ENPP1: variants seen among roughly 807,000 people sequenced by gnomAD.
The protein encoded by ENPP1 is ectonucleotide pyrophosphatase/phosphodiesterase 1.
A neutral mutation model predicts 122.8 loss-of-function variants in ENPP1; 73 were observed. That is an observed-to-expected ratio of 0.59 (90% CI 0.49 to 0.72). The LOEUF (loss-of-function observed/expected upper bound fraction) is 0.72. Among genes scored for constraint, ENPP1 ranks in the 30% least tolerant of loss-of-function variants. The pLI, the probability that ENPP1 is intolerant of heterozygous loss-of-function variation, is 0.00. For missense variants in ENPP1, 978 were observed against 1,128.1 expected (o/e 0.87, Z 1.91); for synonymous variants, 367 against 391.6 (o/e 0.94, Z 0.74).
At chr6:131,828,290 C>T in intron 1 of ENPP1, 1 of 531,880 alleles carries the variant, frequency 1.9e-6, no homozygotes, top group Non-Finnish European at 3.7e-6. Context: ...CTGGAGAGCT[C>T]CAGCCAGCAT....
At chr6:131,885,312 C>T (rs182371315) in intron 23 of ENPP1, among the ~76,000 whole-genome samples, 1 of 152,282 alleles carries the variant, frequency 6.6e-6, no homozygotes, top group South Asian at 2.1e-4. Flanking sequence ...ATAATTTTTG[C>T]ACTCAGTTTA....
intron 1 of ENPP1, chr6:131,827,807 G>T: frequency 1.9e-6 from 2 of 1,047,730 alleles, no homozygotes; most frequent in Non-Finnish European, 3.0e-6. Flanking sequence ...GGCAATGACT[G>T]CTTTCTGGAA....
rs575108860 is a variant in ENPP1 at position 131,861,025 on chromosome 6, A to G, written c.915+519A>G. Among the ~76,000 whole-genome samples the G allele has an allele frequency of 4.6e-5, 7 of 152,360 alleles. No homozygotes were observed. The South Asian group carries it at 1.2e-3, about 27-fold the overall frequency. ...TTATATAAGGTCTATTTAAATAATC[A>G]TGATATTCCTCTTAGAAGGACAAAG... is the stretch of plus-strand genomic sequence containing the variant. On this transcript the variant is annotated intron_variant, in intron 8 of 24. Transcript: ENST00000647893.
chr6:131,858,694 A>C lies in ENPP1; in HGVS notation c.742A>C (p.Met248Leu). 1 of 1,611,012 alleles carries C rather than the reference A, an allele frequency of 6.2e-7. No homozygotes were observed. Among genetic ancestry groups the C allele is most frequent in the Middle Eastern group, 1.7e-4 (1 of 6,058 alleles). ...AAAATGTGGAACATATACTAAAAACATGAGACCGGTATATCCAACAAAAAC... is the reference window on the plus strand; with the variant it reads ...AAAATGTGGAACATATACTAAAAACCTGAGACCGGTATATCCAACAAAAAC... ...LKKCGTYTKNMRPVYPTKTFP... is the reference protein window; with the variant it reads ...LKKCGTYTKNLRPVYPTKTFP... Residue 248 changes from methionine to leucine, a missense_variant, in exon 7 of 25, where the codon ATG becomes CTG. Met to Leu is a conservative substitution (Grantham distance 15). Transcript: ENST00000647893.
rs528193570 is a variant in ENPP1, at chr6:131,846,477, C to T, written c.241-1299C>T. 5.3e-5 allele frequency among the ~76,000 whole-genome samples: 8 copies of T among 152,236 alleles called. No individual in the cohort carries two copies. In the South Asian group the frequency reaches 6.2e-4, roughly 12 times the overall value. On this transcript the variant is annotated intron_variant, in intron 1 of 24. Coordinates refer to ENST00000647893, the MANE Select transcript of ENPP1 (RefSeq NM_006208.3). ...CCTCCAGTTCCACCTGGCAACATCA[C>T]GCCATCATTTCCCCCCCATTCAGAG... is the stretch of plus-strand genomic sequence containing the variant.
chr6:131,880,060 G>A (rs1782281904), intron 20 of ENPP1, 26 bp downstream of exon 20: 3 of 1,607,174 alleles, frequency 1.9e-6, no homozygotes, highest in Non-Finnish European at 2.6e-6. Flanking sequence ...CTCTTTATGT[G>A]TGGCCATTTC....
chr6:131,871,979 C>A, intron 13 of ENPP1, 91 bp from the exon 14 acceptor site: 1 of 968,048 alleles, frequency 1.0e-6, no homozygotes, highest in Non-Finnish European at 1.6e-6. Context: ...TATTTAAATG[C>A]AGAGTTTGGA....
chr6:131,866,039 C>CT (rs530439156), intron 11 of ENPP1, among the ~76,000 whole-genome samples: 184 of 151,502 alleles, frequency 1.2e-3, no homozygotes, highest in Non-Finnish European at 2.4e-3. Flanking sequence ...AGCATATTTC[C>CT]TTGTACCTCT....
intron 19 of ENPP1, 32 bp downstream of exon 19, chr6:131,878,625 G>A (rs1203745627): frequency 3.3e-6 from 5 of 1,537,038 alleles, no homozygotes; most frequent in Admixed American, 3.3e-5. Flanking sequence ...AGCTCGGAAT[G>A]TGAAGCAGGC....
intron 1 of ENPP1, chr6:131,828,318 G>T (rs1264959862): frequency 6.1e-6 from 3 of 492,834 alleles, no homozygotes; most frequent in Non-Finnish European, 1.2e-5. Context: ...TGATCAGCAT[G>T]ATGTAATACC....
chr6:131,879,720 T>G (rs1782276648), intron 19 of ENPP1, among the ~76,000 whole-genome samples, 160 bp from the exon 20 acceptor site: 1 of 152,208 alleles, frequency 6.6e-6, no homozygotes, highest in Admixed American at 6.5e-5. Flanking sequence ...ACTTGTCTTC[T>G]TAATTGTTTA....
chr6:131,824,207 A>C (rs1781516218), intron 1 of ENPP1, among the ~76,000 whole-genome samples: 1 of 152,112 alleles, frequency 6.6e-6, no homozygotes, highest in African/African-American at 2.4e-5. Context: ...AGCTGTGTAC[A>C]TAGCGAGGGG....
chr6:131,872,978 G>A lies in ENPP1; in HGVS notation c.1493G>A (p.Arg498His), dbSNP rs762558218. ...KPYLKHFLPK[R>H]LHFAKSDRIE... ...TACCTGAAACATTTCTTACCTAAGC[G>A]TTTGCACTTTGCTAAGAGTGATAGA... is the stretch of plus-strand genomic sequence containing the variant. The change falls in exon 15 of 25, where the codon CGT becomes CAT. Residue 498 changes from arginine to histidine, a missense_variant. By Grantham distance (29) the Arg-to-His change is conservative (BLOSUM62 0). Coordinates refer to ENST00000647893, the MANE Select transcript of ENPP1 (RefSeq NM_006208.3). 3.7e-6 allele frequency: 6 copies of A among 1,613,616 alleles called. No individual in the cohort carries two copies. Among genetic ancestry groups the A allele is most frequent in the South Asian group, 1.1e-5 (1 of 91,058 alleles).
At chr6:131,866,502 C>T (rs1246614928) in intron 11 of ENPP1, among the ~76,000 whole-genome samples, 1 of 152,230 alleles carries the variant, frequency 6.6e-6, no homozygotes, top group East Asian at 1.9e-4. Context: ...CCTAAACCAT[C>T]TTCCCTTCAT....
intron 1 of ENPP1, among the ~76,000 whole-genome samples, chr6:131,841,981 C>T (rs1781746262): frequency 6.6e-6 from 1 of 152,118 alleles, no homozygotes; most frequent in Non-Finnish European, 1.5e-5. Flanking sequence ...TGACCGCCCG[C>T]AGGCTGCCTC....
intron 11 of ENPP1, among the ~76,000 whole-genome samples, chr6:131,866,013 A>G (rs1215386609): frequency 6.9e-6 from 1 of 144,648 alleles, no homozygotes; most frequent in Non-Finnish European, 1.5e-5. Flanking sequence ...AAAAAAGAGA[A>G]AAAGAAAATG....
At chr6:131,867,917 T>G in intron 11 of ENPP1, 101 bp from the exon 12 acceptor site, 2 of 834,718 alleles carry the variant, frequency 2.4e-6, no homozygotes, top group Non-Finnish European at 4.0e-6. Context: ...CTTTCTTTCT[T>G]TGTTTCTTTC....
intron 18 of ENPP1, among the ~76,000 whole-genome samples, chr6:131,878,273 G>C (rs1231631449): frequency 6.6e-6 from 1 of 151,990 alleles, no homozygotes; most frequent in African/African-American, 2.4e-5. Context: ...ACATATGCCT[G>C]GAGTCCCATT....
chr6:131,874,628 T>C (rs1472440945), intron 16 of ENPP1, among the ~76,000 whole-genome samples: 1 of 152,060 alleles, frequency 6.6e-6, no homozygotes, highest in Non-Finnish European at 1.5e-5. Context: ...GATCACTGTA[T>C]AGAGATTTCT....
Sources: gnomAD v4.1 joint callset for allele counts (sites outside exome capture counted in the v4.1 genomes callset) on GRCh38, gnomAD v4.1.1 for gene constraint, MANE v1.5 for transcripts, NCBI Gene and HGNC (gene_info 2026-07-23, HGNC 2026-07-21) for gene names.